The following DPYSL2 variants were observed in gnomAD, a reference collection of about 807,000 sequenced individuals.
The protein encoded by DPYSL2 is dihydropyrimidinase-related protein 2.
In DPYSL2, 13 loss-of-function variants were observed where a neutral mutation model predicts 69.9. That is an observed-to-expected ratio of 0.19 (90% CI 0.12 to 0.30). DPYSL2 has a LOEUF of 0.30. Ranked by LOEUF, DPYSL2 falls within the 10% of genes least tolerant of loss-of-function variation. The pLI is 1.00. For synonymous variants in DPYSL2, 326 were observed against 359.1 expected (o/e 0.91, Z 1.04); for missense variants, 587 against 918.9 (o/e 0.64, Z 4.67).
intron 1 of DPYSL2, among the ~76,000 whole-genome samples, chr8:26,537,008 G>A (rs549095683): frequency 2.0e-5 from 3 of 149,718 alleles, no homozygotes; most frequent in South Asian, 2.2e-4. Context: ...CAACTGACAA[G>A]TATATAAATG....
intron 1 of DPYSL2, among the ~76,000 whole-genome samples, chr8:26,537,790 C>T (rs1187522183): frequency 1.3e-5 from 2 of 152,162 alleles, no homozygotes; most frequent in Non-Finnish European, 2.9e-5. Context: ...TACAATACTA[C>T]CCTCTAATCC....
In DPYSL2 at chr8:26,614,521, G is replaced by A. The variant is rs17321828; in HGVS notation, c.629-9622G>A. Among the ~76,000 whole-genome samples, 26,672 of 152,126 alleles carry A rather than the reference G, an allele frequency of 0.18. 2,385 individuals are homozygous for A. The highest frequency in any genetic ancestry group is 0.24 in the Middle Eastern group (72 of 294). ...TGTTGGCATTTTAAGGGCACAGTTTGTATCTTCTACCTCTTTGTTTCCTCC... is the reference window on the plus strand; with the variant it reads ...TGTTGGCATTTTAAGGGCACAGTTTATATCTTCTACCTCTTTGTTTCCTCC... On this transcript the variant is annotated intron_variant, in intron 3 of 13. Transcript: ENST00000521913. The surrounding 1 kb of genome is among the most constrained non-coding windows in gnomAD (Gnocchi z 4.9).
intron 1 of DPYSL2, among the ~76,000 whole-genome samples, chr8:26,552,766 G>A (rs931931004): frequency 1.1e-4 from 16 of 152,190 alleles, no homozygotes; most frequent in African/African-American, 3.9e-4. Context: ...GTTAATCTGT[G>A]AATGAATTAA....
chr8:26,643,676 T>C lies in DPYSL2; in HGVS notation c.1283+81T>C, dbSNP rs757320445. Reference sequence around the variant, plus strand: ...GACCTGTTAGGCGAAAACAACATGGTGGCCAAGAGCAGCCATAAAACTGGG... The same window carrying C: ...GACCTGTTAGGCGAAAACAACATGGCGGCCAAGAGCAGCCATAAAACTGGG... On this transcript the variant is annotated intron_variant, in intron 9 of 13. Transcript: ENST00000521913. The surrounding 1 kb of genome is among the most constrained non-coding windows in gnomAD (Gnocchi z 6.5). 23 of 1,591,716 alleles carry C rather than the reference T, an allele frequency of 1.4e-5. No homozygotes were observed. Among genetic ancestry groups the C allele is most frequent in the Non-Finnish European group, 1.9e-5 (22 of 1,163,688 alleles).
chr8:26,515,736 G>A (rs988020074), intron 1 of DPYSL2, among the ~76,000 whole-genome samples: 9 of 152,124 alleles, frequency 5.9e-5, no homozygotes, highest in African/African-American at 1.9e-4. Flanking sequence ...GTTTTAACAC[G>A]TTTTCCGTTT....
rs1340827789 is a variant in DPYSL2 at position 26,627,101 on chromosome 8, C to T, written c.856-114C>T. 8 of 930,980 alleles carry T rather than the reference C, an allele frequency of 8.6e-6. No individual in the cohort carries two copies. Among genetic ancestry groups the T allele is most frequent in the East Asian group, 5.0e-5 (2 of 39,890 alleles). The allele number at this position is 930,980 out of a possible 1,614,324, so 57.7% of individuals were successfully genotyped here. A position where few individuals can be genotyped will look rare whatever the true frequency, so the allele number is the denominator to read the frequency against. ...TCAAAAAAAGTCAGGCTAATAGAAT[C>T]GCCTAGGTGTCCTGTTTCTCATCCC... On this transcript the variant is annotated intron_variant, in intron 5 of 13. Transcript: ENST00000521913. The surrounding 1 kb of genome is among the most constrained non-coding windows in gnomAD (Gnocchi z 6.9).
chr8:26,559,757 A>G (rs1212918997), intron 1 of DPYSL2, among the ~76,000 whole-genome samples: 3 of 152,310 alleles, frequency 2.0e-5, no homozygotes, highest in Admixed American at 6.5e-5. Context: ...TAAATTTTCT[A>G]TATCATCAGC....
intron 3 of DPYSL2, among the ~76,000 whole-genome samples, chr8:26,594,939 T>G (rs1801824017): frequency 6.6e-6 from 1 of 152,192 alleles, no homozygotes; most frequent in African/African-American, 2.4e-5. Context: ...CCCAGCACTT[T>G]GGGAGATTGA....
At position 26,517,352 on chromosome 8, in the gene DPYSL2, G is replaced by A. The variant is rs1199068588; in HGVS notation, c.354+2673G>A. 6.6e-6 allele frequency among the ~76,000 whole-genome samples: 1 copy of A among 152,232 alleles called. No homozygotes were observed. The highest frequency in any genetic ancestry group is 1.9e-4 in the East Asian group (1 of 5,194). Reference sequence around the variant, plus strand: ...AGTATGAGCCAGACAGCACCAGAAAGCGATGGGTGTGGCTTGACTCGGCAT... The same window carrying A: ...AGTATGAGCCAGACAGCACCAGAAAACGATGGGTGTGGCTTGACTCGGCAT... On this transcript the variant is annotated intron_variant, in intron 1 of 13. Coordinates refer to ENST00000521913, the MANE Select transcript of DPYSL2 (RefSeq NM_001197293.3). This position sits in a 1 kb window ranked among gnomAD's most constrained non-coding sequence, Gnocchi z 4.2.
chr8:26,525,741 C>T lies in DPYSL2; in HGVS notation c.354+11062C>T, dbSNP rs567765203. ...GTTTCATTGATCCAGTTTACTAAAT[C>T]CACGGTGGTTCAATACTGCTTTAGT... On this transcript the variant is annotated intron_variant, in intron 1 of 13. Coordinates refer to ENST00000521913, the MANE Select transcript of DPYSL2 (RefSeq NM_001197293.3). Among the ~76,000 whole-genome samples the T allele has an allele frequency of 2.0e-5, 3 of 152,264 alleles. No individual in the cohort carries two copies. The East Asian group carries it at 5.8e-4, about 29-fold the overall frequency.
intron 3 of DPYSL2, among the ~76,000 whole-genome samples, chr8:26,622,090 T>TTCCTTCCTTCCTTCC (rs1563413218): frequency 7.8e-5 from 5 of 64,438 alleles, no homozygotes; most frequent in East Asian, 4.8e-4. Context: ...TCTTTCTTTC[T>TTCCTTCCTTCCTTCC]TTCCTTCCTT....
rs1802390221 is a variant in DPYSL2 at position 26,617,806 on chromosome 8, A to T, written c.629-6337A>T. The stretch of plus-strand genomic sequence containing the variant: ...GTCCTGAATAAACAAATCTATGGAG[A>T]CGGGAAGTAGATTGATGGTGGCCAG... On this transcript the variant is annotated intron_variant, in intron 3 of 13. Transcript: ENST00000521913. The surrounding 1 kb of genome is among the most constrained non-coding windows in gnomAD (Gnocchi z 4.7). 6.6e-6 allele frequency among the ~76,000 whole-genome samples: 1 copy of T among 152,182 alleles called. No homozygotes were observed. The highest frequency in any genetic ancestry group is 1.5e-5 in the Non-Finnish European group (1 of 68,028).
chr8:26,595,027 TCAA>T (rs1801827320), intron 3 of DPYSL2, among the ~76,000 whole-genome samples: 1 of 53,912 alleles, frequency 1.9e-5, no homozygotes, highest in African/African-American at 3.5e-5. Flanking sequence ...TCTACCAAAA[TCAA>T]TCAATCAATC....
rs576395295 is a variant in DPYSL2, at chr8:26,634,956, G to A, written c.1126+56G>A. 8 of 1,606,648 alleles carry A rather than the reference G, an allele frequency of 5.0e-6. No individual in the cohort carries two copies. The Admixed American group carries it at 1.0e-4, about 20-fold the overall frequency. ...AGGTGGGGAGGTTTGGAGGGGAGGG[G>A]GGCTCCTCACTAGGGAGGGCTCCTT... is the stretch of plus-strand genomic sequence containing the variant. On this transcript the variant is annotated intron_variant, in intron 8 of 13. Transcript: ENST00000521913.
In DPYSL2 at chr8:26,653,460, T is replaced by C. The variant is rs1208394619; in HGVS notation, c.1942+63T>C. On this transcript the variant is annotated intron_variant, in intron 13 of 13. Transcript: ENST00000521913. The surrounding 1 kb of genome is among the most constrained non-coding windows in gnomAD (Gnocchi z 5.7). Reference sequence around the variant, plus strand: ...GCCAGCTCGCTGGTGCTGGCGAGGCTACAGTTGCATTTGGAAAGGACACAG... The same window carrying C: ...GCCAGCTCGCTGGTGCTGGCGAGGCCACAGTTGCATTTGGAAAGGACACAG... The C allele has an allele frequency of 6.6e-7, 1 of 1,515,864 alleles. No homozygotes were observed. Among genetic ancestry groups the C allele is most frequent in the African/African-American group, 1.4e-5 (1 of 72,080 alleles). The allele number at this position is 1,515,864 out of a possible 1,614,324, so 93.9% of individuals were successfully genotyped here.
chr8:26,527,386 T>G (rs1282323748), intron 1 of DPYSL2, among the ~76,000 whole-genome samples: 1 of 152,244 alleles, frequency 6.6e-6, no homozygotes, highest in Non-Finnish European at 1.5e-5. Flanking sequence ...GTCCTATCCC[T>G]TGTGGTGTAG....
chr8:26,626,466 T>A lies in DPYSL2; in HGVS notation c.794-151T>A. 1.5e-6 allele frequency: 1 copy of A among 666,722 alleles called. No individual in the cohort carries two copies. Among genetic ancestry groups the A allele is most frequent in the Non-Finnish European group, 2.5e-6 (1 of 407,210 alleles). The allele number at this position is 666,722 out of a possible 1,614,324, so 41.3% of individuals were successfully genotyped here. On this transcript the variant is annotated intron_variant, in intron 4 of 13. Transcript: ENST00000521913. The surrounding 1 kb of genome is among the most constrained non-coding windows in gnomAD (Gnocchi z 4.3). ...TCTGTGTCTCCATTTCTCTCCTCTC[T>A]CTTTCTCTGTACTGAAACACACACA...
chr8:26,569,349 A>G (rs1267364572), intron 1 of DPYSL2, among the ~76,000 whole-genome samples: 5 of 125,014 alleles, frequency 4.0e-5, no homozygotes, highest in Middle Eastern at 4.7e-3. Flanking sequence ...GCAAGACCCT[A>G]TCTCCAAAAA....
Position 26,621,057 on chromosome 8 carries a change from A to G in DPYSL2, c.629-3086A>G, listed in dbSNP as rs1417871167. ...TTTTTCTTCCGCTTTATCTTGCATTACTCTTTCTGGTTTATCACATTTTCT... is the reference window on the plus strand; with the variant it reads ...TTTTTCTTCCGCTTTATCTTGCATTGCTCTTTCTGGTTTATCACATTTTCT... On this transcript the variant is annotated intron_variant, in intron 3 of 13. Transcript: ENST00000521913. The surrounding 1 kb of genome is among the most constrained non-coding windows in gnomAD (Gnocchi z 4.9). Among the ~76,000 whole-genome samples the G allele has an allele frequency of 2.6e-4, 39 of 151,952 alleles. No individual in the cohort carries two copies. The highest frequency in any genetic ancestry group is 2.6e-3 in the Admixed American group (39 of 15,248).
Sources: gnomAD v4.1 joint callset for allele counts (sites outside exome capture counted in the v4.1 genomes callset) on GRCh38, gnomAD v4.1.1 for gene constraint, Gnocchi (gnomAD v3.1) non-coding constraint, MANE v1.5 for transcripts, NCBI Gene and HGNC (gene_info 2026-07-23, HGNC 2026-07-21) for gene names.